Variants in TIMP2 observed in about 807,000 individuals in gnomAD.
The protein encoded by TIMP2 is TIMP metallopeptidase inhibitor 2, also known as metalloproteinase inhibitor 2.
In TIMP2, 5 loss-of-function variants were observed where a neutral mutation model predicts 24.3. That is an observed-to-expected ratio of 0.21 (90% confidence interval 0.11 to 0.43). The LOEUF is 0.43. Ranked by LOEUF, TIMP2 falls within the 20% of genes least tolerant of loss-of-function variation. The pLI is 1.00. For missense variants in TIMP2, 221 were observed against 297.5 expected (o/e 0.74, Z 1.89); for synonymous variants, 130 against 123.2 (o/e 1.06, Z -0.37).
chr17:78,856,032 C>G (rs1171159884), intron 4 of TIMP2, 168 bp from the exon 5 acceptor site: 1 of 677,610 alleles, frequency 1.5e-6, no homozygotes, highest in Admixed American at 2.3e-5. Flanking sequence ...AGCTGGCCTG[C>G]GAGGGGGTCT....
chr17:78,873,546 G>C (rs1479448236), intron 2 of TIMP2, among the ~76,000 whole-genome samples: 1 of 152,184 alleles, frequency 6.6e-6, no homozygotes, highest in South Asian at 2.1e-4. Context: ...GCCCACCTCG[G>C]CCTCCCGAAG....
intron 1 of TIMP2, chr17:78,892,411 C>T (rs554378642): frequency 1.4e-5 from 21 of 1,550,352 alleles, no homozygotes; most frequent in South Asian, 9.5e-5. Flanking sequence ...GTTCAAGGGG[C>T]GCCCCCGGGC....
rs780171870 is a variant in TIMP2, at chr17:78,857,638, C to T, written c.349G>A (p.Glu117Lys). 27 of 1,614,032 alleles carry T rather than the reference C, an allele frequency of 1.7e-5. No homozygotes were observed. The highest frequency in any genetic ancestry group is 2.2e-5 in the East Asian group (1 of 44,906). ...GTGATGTGCATCTTGCCGTCCCCCT[C>T]GGCCTTTCCTGCGGAGAGACGGGGA... Reference protein sequence around the residue: ...KKEYLIAGKAEGDGKMHITLC... With the variant: ...KKEYLIAGKAKGDGKMHITLC... The change falls in exon 4 of 5, where the codon GAG becomes AAG. Residue 117 changes from glutamate to lysine, a missense_variant. By Grantham distance (56) the Glu-to-Lys change is moderately conservative (BLOSUM62 1). Transcript: ENST00000262768.
intron 1 of TIMP2, among the ~76,000 whole-genome samples, chr17:78,893,736 C>T (rs2069955496): frequency 6.6e-6 from 1 of 152,034 alleles, no homozygotes; most frequent in Non-Finnish European, 1.5e-5. Context: ...CTGGTGTTAG[C>T]TCTCTCTTCA....
chr17:78,862,718 C>T (rs891815888), intron 3 of TIMP2, among the ~76,000 whole-genome samples: 10 of 152,248 alleles, frequency 6.6e-5, no homozygotes, highest in African/African-American at 2.4e-4. Flanking sequence ...TTCCTCCCTC[C>T]CACCTCCTTG....
At chr17:78,890,582 C>T in intron 1 of TIMP2, 1 of 1,493,438 alleles carries the variant, frequency 6.7e-7, no homozygotes, top group South Asian at 1.3e-5. Flanking sequence ...ACCCGGGTAC[C>T]AGTGCTGGCA....
At chr17:78,881,111 C>T (rs1051957826) in intron 1 of TIMP2, among the ~76,000 whole-genome samples, 1 of 152,236 alleles carries the variant, frequency 6.6e-6, no homozygotes, top group African/African-American at 2.4e-5. Context: ...AGTCAAAACC[C>T]GGCCCGATCA....
chr17:78,884,673 C>T (rs2069809857), intron 1 of TIMP2, among the ~76,000 whole-genome samples: 1 of 152,156 alleles, frequency 6.6e-6, no homozygotes. Context: ...GCCCCGTCTC[C>T]AGCTGGAGGA....
chr17:78,917,848 G>A (rs1026656250), intron 1 of TIMP2, among the ~76,000 whole-genome samples: 6 of 152,184 alleles, frequency 3.9e-5, no homozygotes, highest in African/African-American at 1.4e-4. Flanking sequence ...CAGGGCGGCC[G>A]AGTGCAGAAT....
rs2069898165 is a variant in TIMP2 at position 78,891,703 on chromosome 17, C to T, written c.131-17784G>A. 1 of 1,551,014 alleles carries T rather than the reference C, an allele frequency of 6.4e-7. No individual in the cohort carries two copies. The highest frequency in any genetic ancestry group is 8.7e-7 in the Non-Finnish European group (1 of 1,147,130). ...CCCGAGCTGTTCCTTTCTCTTTTTC[C>T]TCCACAAGCCCGATTTCTCCCACAG... On this transcript the variant is annotated intron_variant, in intron 1 of 4. Coordinates refer to ENST00000262768, the MANE Select transcript of TIMP2 (RefSeq NM_003255.5). The surrounding 1 kb of genome is among the most constrained non-coding windows in gnomAD (Gnocchi z 4.5).
chr17:78,870,421 AAAAG>A lies in TIMP2; in HGVS notation c.340+473_340+476del, dbSNP rs374853871. On this transcript the variant is annotated intron_variant, in intron 3 of 4. Coordinates refer to ENST00000262768, the MANE Select transcript of TIMP2 (RefSeq NM_003255.5). ...ACAGAGCGACACTCTGTCTCAAAAAAAAAGAAAGAAAGAAAGAAAGAAAGAAAGA... is the reference window on the plus strand; with the variant it reads ...ACAGAGCGACACTCTGTCTCAAAAAAAAAGAAAGAAAGAAAGAAAGAAAGA... Among the ~76,000 whole-genome samples the A allele has an allele frequency of 3.0e-3, 205 of 68,498 alleles. 2 individuals carry two copies. Among genetic ancestry groups the A allele is most frequent in the African/African-American group, 8.4e-3 (194 of 23,054 alleles). The allele number at this position is 68,498 out of a possible 152,430, so 44.9% of individuals were successfully genotyped here. A position where few individuals can be genotyped will look rare whatever the true frequency, so the allele number is the denominator to read the frequency against.
In TIMP2 at chr17:78,896,649, G is replaced by A. The variant is rs1001733736; in HGVS notation, c.131-22730C>T. 1.3e-5 allele frequency among the ~76,000 whole-genome samples: 2 copies of A among 152,086 alleles called. No individual in the cohort carries two copies. Among genetic ancestry groups the A allele is most frequent in the East Asian group, 1.9e-4 (1 of 5,196 alleles). The stretch of plus-strand genomic sequence containing the variant: ...CCTGCCACCCCGAGCTGACAAGCCT[G>A]CCTTCTGCTGGCTGCCTTCAACCAC... On this transcript the variant is annotated intron_variant, in intron 1 of 4. Coordinates refer to ENST00000262768, the MANE Select transcript of TIMP2 (RefSeq NM_003255.5). The surrounding 1 kb of genome is among the most constrained non-coding windows in gnomAD (Gnocchi z 4.4).
At chr17:78,863,018 A>G (rs1364561362) in intron 3 of TIMP2, among the ~76,000 whole-genome samples, 1 of 152,194 alleles carries the variant, frequency 6.6e-6, no homozygotes, top group East Asian at 1.9e-4. Context: ...GCGGTAATGA[A>G]CATACGGGCG....
intron 1 of TIMP2, among the ~76,000 whole-genome samples, chr17:78,903,676 G>C (rs886064888): frequency 6.6e-6 from 1 of 152,162 alleles, no homozygotes; most frequent in Non-Finnish European, 1.5e-5. Flanking sequence ...GCCCACACAG[G>C]AGGAGAAGCC....
At chr17:78,913,457 T>A (rs1376277799) in intron 1 of TIMP2, among the ~76,000 whole-genome samples, 19 of 152,060 alleles carry the variant, frequency 1.2e-4, no homozygotes, top group Non-Finnish European at 2.8e-4. Flanking sequence ...ACGCTTGTAA[T>A]CCCAGTGCTT....
intron 1 of TIMP2, among the ~76,000 whole-genome samples, chr17:78,908,524 ATCT>A (rs2070180539): frequency 6.6e-6 from 1 of 152,098 alleles, no homozygotes; most frequent in Non-Finnish European, 1.5e-5. Flanking sequence ...GTGAAATCTA[ATCT>A]TCTTCCCAGA....
chr17:78,916,464 C>T (rs962517489), intron 1 of TIMP2, among the ~76,000 whole-genome samples: 1 of 152,180 alleles, frequency 6.6e-6, no homozygotes, highest in Non-Finnish European at 1.5e-5. Context: ...TCAACAGAGA[C>T]CTCTACCCGC....
chr17:78,916,649 A>G (rs1327819000), intron 1 of TIMP2, among the ~76,000 whole-genome samples: 1 of 151,926 alleles, frequency 6.6e-6, no homozygotes, highest in African/African-American at 2.4e-5. Context: ...CGAGCCTCTC[A>G]ACACCACCTT....
Position 78,891,405 on chromosome 17 carries a change from G to A in TIMP2, c.131-17486C>T, listed in dbSNP as rs2069891315. ...TCCCCAGGTCTCTGGTCCATCCTGGGCTTCAGTGCCAGGTACAAGCACAGG... is the reference window on the plus strand; with the variant it reads ...TCCCCAGGTCTCTGGTCCATCCTGGACTTCAGTGCCAGGTACAAGCACAGG... On this transcript the variant is annotated intron_variant, in intron 1 of 4. Transcript: ENST00000262768. The surrounding 1 kb of genome is among the most constrained non-coding windows in gnomAD (Gnocchi z 4.5). The A allele has an allele frequency of 6.4e-7, 1 of 1,550,726 alleles. No homozygotes were observed. Among genetic ancestry groups the A allele is most frequent in the South Asian group, 1.2e-5 (1 of 84,062 alleles).
Sources: allele counts gnomAD v4.1 joint callset (sites outside exome capture counted in the v4.1 genomes callset), GRCh38; gene constraint gnomAD v4.1.1; non-coding constraint Gnocchi (gnomAD v3.1); transcripts MANE v1.5; gene names NCBI Gene and HGNC (gene_info 2026-07-23, HGNC 2026-07-21).